The following CEMIP variants were observed in gnomAD, a reference collection of about 807,000 sequenced individuals.
The protein encoded by CEMIP is cell migration inducing hyaluronidase 1.
Under a neutral mutation model 156.9 loss-of-function variants are expected in CEMIP, and 105 were observed. The ratio of observed to expected loss-of-function variants is 0.67; its 90% CI spans 0.57 to 0.79. The LOEUF is 0.79. CEMIP is among the 30% of genes least tolerant of loss of function. The pLI, the probability that CEMIP is intolerant of heterozygous loss-of-function variation, is 0.00. For synonymous variants in CEMIP, 676 were observed against 668.4 expected, an observed-to-expected ratio of 1.01 and a Z score of -0.17; for missense variants, 1,457 against 1,769.4, an observed-to-expected ratio of 0.82 and a Z score of 3.17.
intron 1 of CEMIP, among the ~76,000 whole-genome samples, chr15:80,835,709 G>T (rs28685158): frequency 0.31 from 46,431 of 152,076 alleles, 7,514 homozygotes; most frequent in African/African-American, 0.41. Context: ...GTCCAGGGTT[G>T]GTGGGCACCT....
At chr15:80,903,696 T>A (rs1056561577) in intron 12 of CEMIP, among the ~76,000 whole-genome samples, 3 of 152,184 alleles carry the variant, frequency 2.0e-5, no homozygotes, top group African/African-American at 7.2e-5. Flanking sequence ...TCCCTCAACA[T>A]GCTCAACCCT....
At chr15:80,880,830 G>C (rs546514004) in intron 5 of CEMIP, 70 bp from the exon 6 acceptor site, 8 of 1,305,216 alleles carry the variant, frequency 6.1e-6, no homozygotes, top group Non-Finnish European at 8.9e-6. Flanking sequence ...TGACTCCTAG[G>C]TTCCCTCTGG....
At chr15:80,936,439 T>C (rs1901123741) in intron 23 of CEMIP, among the ~76,000 whole-genome samples, 1 of 152,228 alleles carries the variant, frequency 6.6e-6, no homozygotes, top group Non-Finnish European at 1.5e-5. Context: ...AGAGCACTTT[T>C]ATGAAGATGA....
chr15:80,888,798 T>C lies in CEMIP; in HGVS notation c.964+2T>C, dbSNP rs1898939098. 2 of 1,613,066 alleles carry C rather than the reference T, an allele frequency of 1.2e-6. No individual in the cohort carries two copies. The highest frequency in any genetic ancestry group is 1.7e-6 in the Non-Finnish European group (2 of 1,179,222). On this transcript the variant is annotated splice_donor_variant, in intron 9 of 29. Coordinates refer to ENST00000394685, the MANE Select transcript of CEMIP (RefSeq NM_001293298.2). LOFTEE classifies it high-confidence loss of function. ...CTTTGTCCAGTGAGTGGGTTCAAGGTGAGGAGTTTCAGACAATTTGGTGAC... is the reference window on the plus strand; with the variant it reads ...CTTTGTCCAGTGAGTGGGTTCAAGGCGAGGAGTTTCAGACAATTTGGTGAC...
chr15:80,941,535 T>G (rs747539223), intron 25 of CEMIP, among the ~76,000 whole-genome samples: 1 of 152,134 alleles, frequency 6.6e-6, no homozygotes, highest in African/African-American at 2.4e-5. Flanking sequence ...ATCCAGGAAT[T>G]CAGGATGATA....
At chr15:80,797,225 G>C (rs1896252817) in intron 1 of CEMIP, among the ~76,000 whole-genome samples, 1 of 152,206 alleles carries the variant, frequency 6.6e-6, no homozygotes, top group African/African-American at 2.4e-5. Context: ...GATCATTATA[G>C]ATGATTATAA....
Position 80,884,213 on chromosome 15 carries a change from T to TG in CEMIP, c.658dup (p.Val220GlyfsTer19), listed in dbSNP as rs1342963800. 1 of 1,614,256 alleles carries TG rather than the reference T, an allele frequency of 6.2e-7. No individual in the cohort carries two copies. On this transcript the variant is annotated frameshift_variant, in exon 7 of 30. Coordinates refer to ENST00000394685, the MANE Select transcript of CEMIP (RefSeq NM_001293298.2). LOFTEE classifies it high-confidence loss of function. ...AGATCCAAGAAAGAGAGTGAACGTC[T>TG]GGTCCAGTATTTGAACGCGGTGCCC...
At chr15:80,861,840 T>C (rs2141769491) in intron 1 of CEMIP, among the ~76,000 whole-genome samples, 1 of 152,374 alleles carries the variant, frequency 6.6e-6, no homozygotes, top group South Asian at 2.1e-4. Context: ...GGAAGATGTA[T>C]AGCCCAGTGA....
At chr15:80,846,314 C>T (rs1056099799) in intron 1 of CEMIP, among the ~76,000 whole-genome samples, 6 of 152,194 alleles carry the variant, frequency 3.9e-5, no homozygotes, top group Non-Finnish European at 4.4e-5. Flanking sequence ...GCTCTTCCCC[C>T]GTCTCTCTCT....
chr15:80,790,318 G>A (rs1003551578), intron 1 of CEMIP, among the ~76,000 whole-genome samples: 1 of 152,160 alleles, frequency 6.6e-6, no homozygotes, highest in Non-Finnish European at 1.5e-5. Context: ...TCACTCTTGT[G>A]TATTCTGCTC....
intron 1 of CEMIP, among the ~76,000 whole-genome samples, chr15:80,837,388 G>A (rs539557471): frequency 6.6e-6 from 1 of 152,324 alleles, no homozygotes; most frequent in African/African-American, 2.4e-5. Flanking sequence ...TCCTTTGGAA[G>A]AGGAGTTCAA....
intron 1 of CEMIP, among the ~76,000 whole-genome samples, chr15:80,871,675 TG>T (rs1898297223): frequency 6.6e-6 from 1 of 152,174 alleles, no homozygotes; most frequent in Admixed American, 6.5e-5. Context: ...CATGATGATT[TG>T]GGGCCCTTTG....
chr15:80,796,099 G>GCTTAC (rs1596094183), intron 1 of CEMIP, among the ~76,000 whole-genome samples: 1 of 152,244 alleles, frequency 6.6e-6, no homozygotes, highest in East Asian at 1.9e-4. Context: ...TTTAATAAGA[G>GCTTAC]CTTACCAGGA....
In CEMIP at chr15:80,839,201, A is replaced by G. The variant is rs539729140; in HGVS notation, c.-175-34337A>G. Among the ~76,000 whole-genome samples the G allele has an allele frequency of 7.2e-5, 11 of 152,158 alleles. No homozygotes were observed. The East Asian group carries it at 2.1e-3, about 30-fold the overall frequency. ...AGCGGCCTGAAAGCCACTTCTCCTC[A>G]GCCAGCAGGAATCGCATTCCATAGC... On this transcript the variant is annotated intron_variant, in intron 1 of 29. Transcript: ENST00000394685.
At chr15:80,878,287 A>G (rs982284673) in intron 3 of CEMIP, among the ~76,000 whole-genome samples, 2 of 152,266 alleles carry the variant, frequency 1.3e-5, no homozygotes, top group Non-Finnish European at 2.9e-5. Flanking sequence ...ACAGAGCTAG[A>G]AAATTAACAA....
chr15:80,804,442 T>G (rs181777693), intron 1 of CEMIP, among the ~76,000 whole-genome samples: 30 of 152,340 alleles, frequency 2.0e-4, no homozygotes, highest in Admixed American at 6.5e-4. Context: ...GCCTAGGTTT[T>G]ACTTTTAGCT....
At chr15:80,880,549 C>T (rs1040746689) in intron 5 of CEMIP, among the ~76,000 whole-genome samples, 1 of 152,166 alleles carries the variant, frequency 6.6e-6, no homozygotes, top group South Asian at 2.1e-4. Flanking sequence ...AATTCTGGTG[C>T]CTCAGCTTCC....
At chr15:80,895,734 C>G (rs1596167076) in intron 11 of CEMIP, 135 bp from the exon 12 acceptor site, 3 of 781,006 alleles carry the variant, frequency 3.8e-6, no homozygotes, top group Non-Finnish European at 6.6e-6. Flanking sequence ...TGGGATGGAG[C>G]AAGCCAGTGA....
chr15:80,822,037 T>C (rs1369886299), intron 1 of CEMIP, among the ~76,000 whole-genome samples: 1 of 152,230 alleles, frequency 6.6e-6, no homozygotes, highest in African/African-American at 2.4e-5. Context: ...CAGTTCATCC[T>C]CAAGTGGAGA....
Sources: gnomAD v4.1 joint callset for allele counts (sites outside exome capture counted in the v4.1 genomes callset) on GRCh38, gnomAD v4.1.1 for gene constraint, MANE v1.5 for transcripts, NCBI Gene and HGNC (gene_info 2026-07-23, HGNC 2026-07-21) for gene names.